The following CELF2 variants were observed in gnomAD, a reference collection of about 807,000 sequenced individuals.
CELF2 encodes CUGBP Elav-like family member 2, also known as CUG triplet repeat RNA-binding protein 2.
CELF2 carries 8 observed loss-of-function variants against 62.6 expected under a neutral mutation model. That is an observed-to-expected ratio of 0.13 (90% confidence interval 0.07 to 0.23). The LOEUF (loss-of-function observed/expected upper bound fraction) is 0.23. Among genes scored for constraint, CELF2 ranks in the 10% least tolerant of loss-of-function variants. CELF2 has a pLI of 1.00. For missense variants in CELF2, 333 were observed against 671.0 expected, an observed-to-expected ratio of 0.50 and a Z score of 5.56; for synonymous variants, 258 against 250.0, an observed-to-expected ratio of 1.03 and a Z score of -0.30.
intron 1 of CELF2, among the ~76,000 whole-genome samples, chr10:11,129,056 A>C (rs985675517): frequency 6.6e-6 from 1 of 152,226 alleles, no homozygotes; most frequent in Non-Finnish European, 1.5e-5. Context: ...TGTTCCATCA[A>C]TACCTAGTGT....
the CELF2 span, among the ~76,000 whole-genome samples, chr10:10,537,984 C>T: frequency 1.3e-5 from 2 of 152,108 alleles, no homozygotes; most frequent in South Asian, 4.2e-4. Flanking sequence ...AGCCCTTGTC[C>T]CCAAGGGCTC....
chr10:11,005,258 GAGAGAGAGAGA>G (rs1564348424), upstream of CELF2: 3 of 796,488 alleles, frequency 3.8e-6, no homozygotes, highest in African/African-American at 9.3e-5. This position sits in a 1 kb window ranked among gnomAD's most constrained non-coding sequence, Gnocchi z 4.3. Context: ...GAGAGAGGGA[GAGAGAGAGAGA>G]GAGAGAGAGA....
Position 11,159,302 on chromosome 10 carries a change from G to A in CELF2, c.75-6184G>A, listed in dbSNP as rs1197477913. Among the ~76,000 whole-genome samples, 1 of 152,206 alleles carries A rather than the reference G, an allele frequency of 6.6e-6. No homozygotes were observed. The stretch of plus-strand genomic sequence containing the variant: ...TTTACCCAAAGTTTTCAGCAGCCCT[G>A]GATGCCACTACAGTTAAGACATAGC... On this transcript the variant is annotated intron_variant, in intron 1 of 12. Coordinates refer to ENST00000633077, the MANE Select transcript of CELF2 (RefSeq NM_001326342.2). This position sits in a 1 kb window ranked among gnomAD's most constrained non-coding sequence, Gnocchi z 5.0.
chr10:11,073,075 A>T, intron 1 of CELF2, among the ~76,000 whole-genome samples: 1 of 152,288 alleles, frequency 6.6e-6, no homozygotes, highest in Non-Finnish European at 1.5e-5. Context: ...GATAAATATA[A>T]ATAATGCTAA....
At chr10:10,841,152 C>T (rs755499790) in intron 1 of CELF2, among the ~76,000 whole-genome samples, 8 of 152,148 alleles carry the variant, frequency 5.3e-5, no homozygotes, top group African/African-American at 7.2e-5. Flanking sequence ...AGTAAACATA[C>T]GTGTGCATGT....
chr10:10,732,749 C>T, the CELF2 span, among the ~76,000 whole-genome samples: 1 of 152,280 alleles, frequency 6.6e-6, no homozygotes, highest in African/African-American at 2.4e-5. Context: ...GTCTTGAACT[C>T]CTGACCTCAA....
chr10:11,150,071 C>T (rs1403564674), intron 1 of CELF2, among the ~76,000 whole-genome samples: 1 of 152,184 alleles, frequency 6.6e-6, no homozygotes, highest in African/African-American at 2.4e-5. Flanking sequence ...TCTGTATCCT[C>T]CTGTCCTTGG....
At chr10:11,198,479 T>C (rs544767969) in intron 2 of CELF2, among the ~76,000 whole-genome samples, 1 of 152,388 alleles carries the variant, frequency 6.6e-6, no homozygotes, top group South Asian at 2.1e-4. Flanking sequence ...TTGAATTTTT[T>C]GTTTGTAGGT....
chr10:10,739,114 GA>G, the CELF2 span, among the ~76,000 whole-genome samples: 5 of 151,374 alleles, frequency 3.3e-5, no homozygotes, highest in African/African-American at 1.2e-4. Flanking sequence ...ATTTTTAAGT[GA>G]AAAAAAATCA....
chr10:10,757,660 TC>T, the CELF2 span, among the ~76,000 whole-genome samples: 1 of 152,044 alleles, frequency 6.6e-6, no homozygotes, highest in African/African-American at 2.4e-5. Flanking sequence ...ACAGACTTTT[TC>T]CCAAAAATAT....
At chr10:10,786,634 A>C in the CELF2 span, 2 of 152,238 alleles carry the variant, frequency 1.3e-5, no homozygotes, top group Non-Finnish European at 2.9e-5. Flanking sequence ...TGAGAAAATA[A>C]ACAGCCTCAC....
At chr10:10,512,753 T>G in the CELF2 span, among the ~76,000 whole-genome samples, 1 of 152,204 alleles carries the variant, frequency 6.6e-6, no homozygotes, top group South Asian at 2.1e-4. Context: ...CATTTTTATT[T>G]CTGCTGTTTG....
Position 11,259,541 on chromosome 10 carries a change from A to G in CELF2, c.538+1669A>G. Among the ~76,000 whole-genome samples, 2 of 152,228 alleles carry G rather than the reference A, an allele frequency of 1.3e-5. 1 individual carries two copies. The highest frequency in any genetic ancestry group is 3.8e-4 in the East Asian group (2 of 5,202). Reference sequence around the variant, plus strand: ...AGATGTAATTCTCTAAAAGCTGAACAAGTCACTGTATTGAGTGTGATCCTG... The same window carrying G: ...AGATGTAATTCTCTAAAAGCTGAACGAGTCACTGTATTGAGTGTGATCCTG... On this transcript the variant is annotated intron_variant, in intron 5 of 12. Coordinates refer to ENST00000633077, the MANE Select transcript of CELF2 (RefSeq NM_001326342.2).
the CELF2 span, among the ~76,000 whole-genome samples, chr10:10,462,615 CTTTTTTTT>C: frequency 7.2e-5 from 5 of 69,418 alleles, no homozygotes; most frequent in South Asian, 1.4e-3. Context: ...TTTTTTTCAT[CTTTTTTTT>C]TTTTTTTTTT....
the CELF2 span, among the ~76,000 whole-genome samples, chr10:10,462,852 C>CT: frequency 1.8e-3 from 273 of 152,136 alleles, 3 homozygotes; most frequent in African/African-American, 6.2e-3. Flanking sequence ...TGCAACAGGG[C>CT]TAAGATTGTC....
Position 10,928,639 on chromosome 10 carries a change from G to A in CELF2, c.89+8640G>A, listed in dbSNP as rs2065777109. The stretch of plus-strand genomic sequence containing the variant: ...ATTTACTGTTTACTTTTATAGAAAG[G>A]TTTGCTGACCACTGTTCTATACACA... On this transcript the variant is annotated intron_variant, in intron 2 of 13. Coordinates refer to the CELF2 transcript ENST00000636488. The surrounding 1 kb of genome is among the most constrained non-coding windows in gnomAD (Gnocchi z 4.8). 6.6e-6 allele frequency among the ~76,000 whole-genome samples: 1 copy of A among 152,132 alleles called. No individual in the cohort carries two copies. Among genetic ancestry groups the A allele is most frequent in the Non-Finnish European group, 1.5e-5 (1 of 68,038 alleles).
chr10:10,673,492 T>C, the CELF2 span, among the ~76,000 whole-genome samples: 1 of 152,092 alleles, frequency 6.6e-6, no homozygotes, highest in Non-Finnish European at 1.5e-5. Context: ...CAGCTTTTGG[T>C]TTTGTTGATT....
At chr10:10,650,503 T>C in the CELF2 span, among the ~76,000 whole-genome samples, 1 of 151,914 alleles carries the variant, frequency 6.6e-6, no homozygotes, top group African/African-American at 2.4e-5. Context: ...TATGTAAAAG[T>C]ACACATCTTG....
At chr10:11,288,331 C>G in intron 8 of CELF2, 87 bp from the exon 9 acceptor site, 1 of 1,532,326 alleles carries the variant, frequency 6.5e-7, no homozygotes, top group South Asian at 1.2e-5. Context: ...CATCATGTGT[C>G]CTGACGATTT....
Sources: gnomAD v4.1 joint callset for allele counts (sites outside exome capture counted in the v4.1 genomes callset) on GRCh38, gnomAD v4.1.1 for gene constraint, Gnocchi (gnomAD v3.1) non-coding constraint, MANE v1.5 for transcripts, NCBI Gene and HGNC (gene_info 2026-07-23, HGNC 2026-07-21) for gene names.